The following FHIP1A variants were observed in gnomAD, a reference collection of about 807,000 sequenced individuals.
The protein encoded by FHIP1A is FHF complex subunit HOOK-interacting protein 1A.
A neutral mutation model predicts 88.6 loss-of-function variants in FHIP1A; 61 were observed. The observed-to-expected ratio is 0.69, with a 90% CI of 0.56 to 0.85. The LOEUF (loss-of-function observed/expected upper bound fraction) is 0.85, where lower values mean the gene tolerates loss of function less well. Among genes scored for constraint, FHIP1A ranks in the 40% least tolerant of loss-of-function variants. The probability of loss-of-function intolerance (pLI) is 0.00; values close to 1 mark genes in which losing one functional copy is unlikely to be tolerated. For synonymous variants in FHIP1A, 478 were observed against 496.0 expected, an observed-to-expected ratio of 0.96 and a Z score of 0.48; for missense variants, 1,154 against 1,273.5, an observed-to-expected ratio of 0.91 and a Z score of 1.43.
At chr4:151,529,826 G>A (rs1333302240) in intron 3 of FHIP1A, among the ~76,000 whole-genome samples, 1 of 152,196 alleles carries the variant, frequency 6.6e-6, no homozygotes, top group African/African-American at 2.4e-5. Context: ...TTAGTAAGTA[G>A]CAAAACTGTG....
At position 151,560,160 on chromosome 4, in the gene FHIP1A, A is replaced by T. The variant is rs57040784; in HGVS notation, c.-122-5978A>T. On this transcript the variant is annotated intron_variant, in intron 3 of 13. Coordinates refer to ENST00000435205, the MANE Select transcript of FHIP1A (RefSeq NM_001109977.3). ...ATTTTATTGTTATTTCACTAATTAC[A>T]CTTAGTACTTTTATATCATGTAGAT... 1.9e-3 allele frequency among the ~76,000 whole-genome samples: 292 copies of T among 152,328 alleles called. 2 individuals carry two copies. Among genetic ancestry groups the T allele is most frequent in the African/African-American group, 6.7e-3 (279 of 41,588 alleles).
intron 6 of FHIP1A, 89 bp downstream of exon 6, chr4:151,586,888 T>A (rs1734238300): frequency 1.9e-6 from 2 of 1,026,768 alleles, no homozygotes; most frequent in Non-Finnish European, 2.7e-6. Flanking sequence ...GTTCATTTTT[T>A]AAAATGTTAA....
chr4:151,506,514 T>C (rs1730843460), intron 3 of FHIP1A, among the ~76,000 whole-genome samples: 1 of 152,128 alleles, frequency 6.6e-6, no homozygotes, highest in South Asian at 2.1e-4. Context: ...GTGAGGGCCT[T>C]GGGAAACCTC....
At chr4:151,472,551 A>G (rs867726919) in intron 2 of FHIP1A, among the ~76,000 whole-genome samples, 1 of 152,016 alleles carries the variant, frequency 6.6e-6, no homozygotes, top group South Asian at 2.1e-4. Context: ...GTGATTGCCA[A>G]GGATGTTTAT....
At chr4:151,511,502 G>T (rs182431242) in intron 3 of FHIP1A, among the ~76,000 whole-genome samples, 1 of 152,264 alleles carries the variant, frequency 6.6e-6, no homozygotes, top group African/African-American at 2.4e-5. Context: ...CTCAGGAAGC[G>T]CAAGGGGTCA....
intron 7 of FHIP1A, among the ~76,000 whole-genome samples, chr4:151,628,203 C>T (rs1736025433): frequency 6.6e-6 from 1 of 152,116 alleles, no homozygotes; most frequent in Admixed American, 6.5e-5. Context: ...GGGATTTGCG[C>T]TATGATATGT....
intron 7 of FHIP1A, among the ~76,000 whole-genome samples, chr4:151,614,426 G>A (rs181493220): frequency 4.5e-4 from 67 of 147,934 alleles, no homozygotes; most frequent in Non-Finnish European, 8.7e-4. Context: ...CGGTGATCAC[G>A]CCACTGTACT....
At chr4:151,561,349 C>T (rs1032942170) in intron 3 of FHIP1A, among the ~76,000 whole-genome samples, 1 of 152,090 alleles carries the variant, frequency 6.6e-6, no homozygotes, top group African/African-American at 2.4e-5. Flanking sequence ...GAATAGGGGG[C>T]TATTAGATGC....
chr4:151,562,820 G>A (rs1376473437), intron 3 of FHIP1A, among the ~76,000 whole-genome samples: 2 of 152,032 alleles, frequency 1.3e-5, no homozygotes, highest in Non-Finnish European at 2.9e-5. Context: ...TCTGAAGTTG[G>A]GTAAGATGTC....
intron 1 of FHIP1A, 93 bp from the exon 2 acceptor site, chr4:151,454,608 C>A (rs1314085300): frequency 1.3e-5 from 2 of 151,984 alleles, no homozygotes; most frequent in African/African-American, 4.8e-5. Context: ...GCAAATTAGG[C>A]CTTAGAAATC....
chr4:151,652,584 T>C (rs55756286), intron 11 of FHIP1A, among the ~76,000 whole-genome samples: 50 of 152,292 alleles, frequency 3.3e-4, no homozygotes, highest in Non-Finnish European at 6.0e-4. Flanking sequence ...TCACAGACTT[T>C]TAGAGGAGAC....
At chr4:151,514,752 A>G (rs567412211) in intron 3 of FHIP1A, among the ~76,000 whole-genome samples, 112 of 152,156 alleles carry the variant, frequency 7.4e-4, no homozygotes, top group Middle Eastern at 3.4e-3. Flanking sequence ...AGACTAAACC[A>G]GGAAGAAGTT....
chr4:151,429,531 A>G (rs1733512790), intron 1 of FHIP1A, among the ~76,000 whole-genome samples: 1 of 152,366 alleles, frequency 6.6e-6, no homozygotes, highest in African/African-American at 2.4e-5. Flanking sequence ...TACAAGCCAC[A>G]TAAAGGATGA....
chr4:151,505,890 T>C (rs1484637304), intron 3 of FHIP1A, among the ~76,000 whole-genome samples: 1 of 152,190 alleles, frequency 6.6e-6, no homozygotes, highest in African/African-American at 2.4e-5. Flanking sequence ...TTTACCCTTC[T>C]TTTTTTGTTG....
In FHIP1A at chr4:151,586,742, A is replaced by G; in HGVS notation, c.834A>G (p.Leu278=). 1.3e-6 allele frequency: 2 copies of G among 1,551,426 alleles called. No individual in the cohort carries two copies. Among genetic ancestry groups the G allele is most frequent in the South Asian group, 1.2e-5 (1 of 84,036 alleles). The change falls in exon 6 of 14, where the codon CTA becomes CTG. Residue 278 remains leucine (L), a synonymous_variant. Coordinates refer to ENST00000435205, the MANE Select transcript of FHIP1A (RefSeq NM_001109977.3). ...WHCLLKDDWL[L]LPSLVQFMNS... is the part of the protein sequence containing the mutation. ...GCCTTCTGAAAGATGACTGGCTTCT[A>G]CTTCCTTCTCTTGTCCAGTTCATGA... is the stretch of plus-strand genomic sequence containing the variant.
chr4:151,618,762 A>T (rs1735635591), intron 7 of FHIP1A, among the ~76,000 whole-genome samples: 1 of 152,334 alleles, frequency 6.6e-6, no homozygotes, highest in African/African-American at 2.4e-5. Flanking sequence ...ATATTACTTC[A>T]CTTGCCCATG....
chr4:151,613,890 C>T (rs147192595), intron 7 of FHIP1A, among the ~76,000 whole-genome samples: 1,724 of 152,174 alleles, frequency 0.011, 30 homozygotes, highest in African/African-American at 0.039. Flanking sequence ...AGGCTGGATG[C>T]GGTGGCTCAT....
chr4:151,563,994 A>T (rs1332689215), intron 3 of FHIP1A, among the ~76,000 whole-genome samples: 3 of 152,146 alleles, frequency 2.0e-5, no homozygotes, highest in African/African-American at 7.2e-5. Context: ...TGTCTCTAAT[A>T]AAACAACAAC....
intron 7 of FHIP1A, among the ~76,000 whole-genome samples, chr4:151,591,150 A>G (rs1216988189): frequency 6.6e-6 from 1 of 150,768 alleles, no homozygotes; most frequent in Admixed American, 6.6e-5. Context: ...AGGCCAGGGA[A>G]GGAGAACAGC....
Sources: gnomAD v4.1 joint callset for allele counts (sites outside exome capture counted in the v4.1 genomes callset) on GRCh38, gnomAD v4.1.1 for gene constraint, MANE v1.5 for transcripts, NCBI Gene and HGNC (gene_info 2026-07-23, HGNC 2026-07-21) for gene names.